The following CNTNAP4 variants were observed in gnomAD, a reference collection of about 807,000 sequenced individuals.
The protein encoded by CNTNAP4 is contactin-associated protein-like 4.
A neutral mutation model predicts 148.4 loss-of-function variants in CNTNAP4; 98 were observed. The observed-to-expected ratio is 0.66, with a 90% CI of 0.56 to 0.78. CNTNAP4 has a LOEUF of 0.78. CNTNAP4 is among the 30% of genes least tolerant of loss of function. The probability of loss-of-function intolerance (pLI) is 0.00; values close to 1 mark genes in which losing one functional copy is unlikely to be tolerated. For missense variants in CNTNAP4, 1,935 were observed against 1,565.6 expected (o/e 1.24, Z -3.98); for synonymous variants, 730 against 565.1 (o/e 1.29, Z -4.14).
chr16:76,372,427 C>T (rs1344327527), intron 3 of CNTNAP4, among the ~76,000 whole-genome samples: 5 of 151,886 alleles, frequency 3.3e-5, no homozygotes, highest in Non-Finnish European at 7.4e-5. Context: ...GGATTACAGG[C>T]GTGGGCCACC....
At chr16:76,334,992 T>C (rs780241892) in intron 2 of CNTNAP4, among the ~76,000 whole-genome samples, 1 of 151,998 alleles carries the variant, frequency 6.6e-6, no homozygotes, top group Non-Finnish European at 1.5e-5. Context: ...GTGTTGTAGA[T>C]TGGAAAATGC....
At chr16:76,471,119 C>G (rs997112108) in intron 10 of CNTNAP4, among the ~76,000 whole-genome samples, 1 of 152,078 alleles carries the variant, frequency 6.6e-6, no homozygotes, top group African/African-American at 2.4e-5. Context: ...CACACATACA[C>G]ACACACACAC....
Position 76,553,329 on chromosome 16 carries a change from C to T in CNTNAP4, c.3489C>T (p.Gly1163=). 6.2e-7 allele frequency: 1 copy of T among 1,613,032 alleles called. No individual in the cohort carries two copies. Among genetic ancestry groups the T allele is most frequent in the Non-Finnish European group, 8.5e-7 (1 of 1,179,462 alleles). ...DQDTALAGAQ[G]FTGCLSAVQL... ...ATACTGCACTGGCAGGTGCGCAGGG[C>T]TTCACAGGCTGCCTCTCTGCAGTGC... Residue 1163 remains glycine (G), a synonymous_variant, in exon 22 of 24, where the codon GGC becomes GGT. Transcript: ENST00000611870.
At chr16:76,556,192 T>TG (rs1044022522) in intron 23 of CNTNAP4, among the ~76,000 whole-genome samples, 56 of 152,206 alleles carry the variant, frequency 3.7e-4, no homozygotes, top group African/African-American at 1.3e-3. Flanking sequence ...TTAAAAGTGG[T>TG]GACCCAGATG....
intron 15 of CNTNAP4, 99 bp from the exon 16 acceptor site, chr16:76,521,041 C>A (rs1435321891): frequency 1.2e-5 from 14 of 1,155,872 alleles, no homozygotes; most frequent in Non-Finnish European, 1.7e-5. Flanking sequence ...TTTTAAATAG[C>A]AAAAGTGCTA....
intron 3 of CNTNAP4, among the ~76,000 whole-genome samples, chr16:76,393,026 A>G (rs570379023): frequency 8.9e-4 from 136 of 152,340 alleles, no homozygotes; most frequent in Admixed American, 1.6e-3. Context: ...AATGACTTTA[A>G]CAAGCACAAT....
intron 15 of CNTNAP4, among the ~76,000 whole-genome samples, chr16:76,511,115 C>T (rs1373729090): frequency 6.6e-6 from 1 of 152,178 alleles, no homozygotes; most frequent in Non-Finnish European, 1.5e-5. Flanking sequence ...TTTCTGCTCT[C>T]AGTCTCTCTA....
chr16:76,506,784 G>C (rs2082853188), intron 15 of CNTNAP4, among the ~76,000 whole-genome samples: 1 of 95,450 alleles, frequency 1.0e-5, no homozygotes, highest in African/African-American at 2.6e-5. Flanking sequence ...TATGAGAATT[G>C]CTAACAGGCT....
chr16:76,497,507 G>A (rs2082440181), intron 14 of CNTNAP4, among the ~76,000 whole-genome samples: 2 of 152,056 alleles, frequency 1.3e-5, no homozygotes, highest in Admixed American at 1.3e-4. Context: ...ATCATATGGG[G>A]GGCAGCCATA....
At chr16:76,423,678 A>C (rs942041744) in intron 3 of CNTNAP4, among the ~76,000 whole-genome samples, 2 of 152,276 alleles carry the variant, frequency 1.3e-5, no homozygotes, top group East Asian at 3.9e-4. Flanking sequence ...CATCATTCAC[A>C]AACATTCTGA....
chr16:76,559,841 C>T lies in CNTNAP4; in HGVS notation c.*1158C>T, dbSNP rs943973774. ...TACATACTTTTTGAAATATGAGCTGCAACCATCAGTGATCTACACAATCAA... is the reference window on the plus strand; with the variant it reads ...TACATACTTTTTGAAATATGAGCTGTAACCATCAGTGATCTACACAATCAA... On this transcript the variant is annotated 3_prime_UTR_variant, in exon 24 of 24. Transcript: ENST00000611870. Among the ~76,000 whole-genome samples, 4 of 143,608 alleles carry T rather than the reference C, an allele frequency of 2.8e-5. No homozygotes were observed. Among genetic ancestry groups the T allele is most frequent in the Non-Finnish European group, 6.2e-5 (4 of 64,816 alleles). The allele number at this position is 143,608 out of a possible 152,430, so 94.2% of individuals were successfully genotyped here.
chr16:76,445,297 T>C (rs2080198596), intron 4 of CNTNAP4, among the ~76,000 whole-genome samples: 1 of 152,188 alleles, frequency 6.6e-6, no homozygotes, highest in Non-Finnish European at 1.5e-5. Flanking sequence ...TGTTACAACC[T>C]GTAATGCTTT....
chr16:76,490,812 T>C (rs1179228728), intron 13 of CNTNAP4, among the ~76,000 whole-genome samples: 1 of 152,140 alleles, frequency 6.6e-6, no homozygotes, highest in African/African-American at 2.4e-5. Context: ...CTCAAACACG[T>C]ATTTTCTAGC....
At chr16:76,366,807 A>G (rs965689236) in intron 3 of CNTNAP4, among the ~76,000 whole-genome samples, 1 of 152,200 alleles carries the variant, frequency 6.6e-6, no homozygotes, top group Non-Finnish European at 1.5e-5. Context: ...GAATATGTAC[A>G]AGAAACAAAA....
intron 10 of CNTNAP4, among the ~76,000 whole-genome samples, chr16:76,475,386 T>C (rs2081534654): frequency 6.6e-6 from 1 of 152,170 alleles, no homozygotes; most frequent in African/African-American, 2.4e-5. Context: ...ATGACAGATA[T>C]TTCTCTTGAA....
In CNTNAP4 at chr16:76,551,678, G is replaced by A. The variant is rs2084957827; in HGVS notation, c.3443-1605G>A. On this transcript the variant is annotated intron_variant, in intron 21 of 23. Transcript: ENST00000611870. ...TTAACTGTTCCATTTGTGTGACTTG[G>A]ATAATATACTCCAGTGTCTACTGTA... Among the ~76,000 whole-genome samples the A allele has an allele frequency of 2.0e-5, 3 of 151,812 alleles. No homozygotes were observed. The Admixed American group carries it at 2.0e-4, about 10-fold the overall frequency.
At chr16:76,457,824 G>A (rs2080792607) in intron 8 of CNTNAP4, among the ~76,000 whole-genome samples, 1 of 151,606 alleles carries the variant, frequency 6.6e-6, no homozygotes, top group African/African-American at 2.4e-5. Context: ...TTTAGATTTG[G>A]GGGTACAAGT....
At chr16:76,368,216 A>G (rs888436718) in intron 3 of CNTNAP4, among the ~76,000 whole-genome samples, 17 of 151,978 alleles carry the variant, frequency 1.1e-4, no homozygotes, top group African/African-American at 3.9e-4. Context: ...GATAAAGAGT[A>G]GGAAAAAAGC....
At chr16:76,423,149 A>T (rs187297254) in intron 3 of CNTNAP4, among the ~76,000 whole-genome samples, 1 of 152,304 alleles carries the variant, frequency 6.6e-6, no homozygotes, top group East Asian at 1.9e-4. Flanking sequence ...TCCAGCCTCC[A>T]GAACTGTGAA....
Sources: gnomAD v4.1 joint callset for allele counts (sites outside exome capture counted in the v4.1 genomes callset) on GRCh38, gnomAD v4.1.1 for gene constraint, MANE v1.5 for transcripts, NCBI Gene and HGNC (gene_info 2026-07-23, HGNC 2026-07-21) for gene names.